The following C8orf76 variants were observed in gnomAD, a reference collection of about 807,000 sequenced individuals.
C8orf76 encodes the protein chromosome 8 open reading frame 76, also known as uncharacterized protein C8orf76.
Under a neutral mutation model 38.1 loss-of-function variants are expected in C8orf76, and 46 were observed. The observed-to-expected ratio is 1.21, with a 90% CI of 0.95 to 1.54. The LOEUF (loss-of-function observed/expected upper bound fraction) is 1.54. Ranked by LOEUF, C8orf76 falls within the 40% of genes most tolerant of loss-of-function variation. The pLI, the probability that C8orf76 is intolerant of heterozygous loss-of-function variation, is 0.00. For missense variants in C8orf76, 461 were observed against 441.6 expected (o/e 1.04, Z -0.39); for synonymous variants, 166 against 167.5 (o/e 0.99, Z 0.07).
At chr8:123,236,405 A>C (rs2131159567) in intron 3 of C8orf76, among the ~76,000 whole-genome samples, 1 of 152,316 alleles carries the variant, frequency 6.6e-6, no homozygotes, top group African/African-American at 2.4e-5. Flanking sequence ...AAGCAATAAA[A>C]TCTAGAACTG....
Position 123,220,079 on chromosome 8 carries a change from T to G in C8orf76, c.*24A>C. On this transcript the variant is annotated 3_prime_UTR_variant, in exon 6 of 6. Coordinates refer to ENST00000276704, the MANE Select transcript of C8orf76 (RefSeq NM_032847.3). Reference sequence around the variant, plus strand: ...GACAATTAATACAGTACAAGATATTTGTGGTTTTGTTTTTTATAACCCACT... The same window carrying G: ...GACAATTAATACAGTACAAGATATTGGTGGTTTTGTTTTTTATAACCCACT... 7.0e-7 allele frequency: 1 copy of G among 1,426,132 alleles called. No individual in the cohort carries two copies. The highest frequency in any genetic ancestry group is 9.7e-7 in the Non-Finnish European group (1 of 1,026,522). 88.3% of individuals were successfully genotyped at this position (1,426,132 alleles called of 1,614,324 possible). A position where few individuals can be genotyped will look rare whatever the true frequency, so the allele number is the denominator to read the frequency against.
chr8:123,238,716 T>C (rs932116306), intron 2 of C8orf76: 2 of 182,306 alleles, frequency 1.1e-5, no homozygotes, highest in Non-Finnish European at 2.3e-5. Context: ...TAGTTCTTTT[T>C]CTTATACATT....
At position 123,231,458 on chromosome 8, in the gene C8orf76, G is replaced by C; in HGVS notation, c.657C>G (p.Thr219=). 6.2e-7 allele frequency: 1 copy of C among 1,614,194 alleles called. No individual in the cohort carries two copies. The highest frequency in any genetic ancestry group is 8.5e-7 in the Non-Finnish European group (1 of 1,180,036). The change falls in exon 4 of 6, where the codon ACC becomes ACG. Residue 219 remains threonine, a synonymous_variant. Coordinates refer to ENST00000276704, the MANE Select transcript of C8orf76 (RefSeq NM_032847.3). The stretch of plus-strand genomic sequence containing the variant: ...CAGAAAATAAAGAGCTCTCAGGCAA[G>C]GTTTCAGGAAAACACAAAAGACAGT... ...GKDCLLCFPE[T]LPESSLFSVE...
At chr8:123,229,490 C>T (rs1156878855) in intron 4 of C8orf76, among the ~76,000 whole-genome samples, 1 of 152,212 alleles carries the variant, frequency 6.6e-6, no homozygotes, top group Non-Finnish European at 1.5e-5. Context: ...TTGGCCACGC[C>T]AACAGCTCCC....
intron 5 of C8orf76, chr8:123,226,275 G>A (rs1325576960): frequency 1.2e-5 from 17 of 1,376,806 alleles, no homozygotes; most frequent in Non-Finnish European, 1.5e-5. Flanking sequence ...GTGCTAACAA[G>A]CACTGACAAG....
intron 5 of C8orf76, among the ~76,000 whole-genome samples, chr8:123,223,908 T>C (rs1455566479): frequency 6.6e-6 from 1 of 152,140 alleles, no homozygotes; most frequent in Non-Finnish European, 1.5e-5. Context: ...AATAGATAAA[T>C]TCACAGAGAA....
At chr8:123,237,244 C>A (rs978431728) in intron 3 of C8orf76, among the ~76,000 whole-genome samples, 1 of 152,190 alleles carries the variant, frequency 6.6e-6, no homozygotes, top group Non-Finnish European at 1.5e-5. Flanking sequence ...CAAAGAGCGG[C>A]GTCCTGCCCA....
At chr8:123,241,209 G>T (rs1343502010) in intron 1 of C8orf76, 21 bp downstream of exon 1, 1 of 1,573,574 alleles carries the variant, frequency 6.4e-7, no homozygotes, top group Admixed American at 1.8e-5. Flanking sequence ...GGGATAAGGC[G>T]AAGAGGCCCC....
intron 4 of C8orf76, 30 bp from the exon 5 acceptor site, chr8:123,226,662 C>A: frequency 6.4e-7 from 1 of 1,571,172 alleles, no homozygotes; most frequent in South Asian, 1.2e-5. Context: ...CAATGCGTGG[C>A]GAAAAGTCCC....
chr8:123,228,135 C>T (rs1825113083), intron 4 of C8orf76, among the ~76,000 whole-genome samples: 1 of 152,192 alleles, frequency 6.6e-6, no homozygotes, highest in Non-Finnish European at 1.5e-5. Context: ...TCTCCTCACC[C>T]TCAACCTTCC....
chr8:123,236,976 A>G, intron 3 of C8orf76: 1 of 1,551,412 alleles, frequency 6.4e-7, no homozygotes. Flanking sequence ...CTTGCGGGCA[A>G]ACAGCTGGAG....
chr8:123,226,313 G>A (rs950699442), intron 5 of C8orf76, 187 bp downstream of exon 5: 12 of 1,431,644 alleles, frequency 8.4e-6, no homozygotes, highest in Admixed American at 6.6e-5. Context: ...CTGCGGTCCC[G>A]CACGCTGCAG....
At chr8:123,236,825 C>A in intron 3 of C8orf76, 1 of 674,814 alleles carries the variant, frequency 1.5e-6, no homozygotes, top group Non-Finnish European at 2.7e-6. Context: ...TTTTCTTCAG[C>A]GAGGCTGCCG....
At chr8:123,224,228 A>G (rs900865562) in intron 5 of C8orf76, among the ~76,000 whole-genome samples, 11 of 152,250 alleles carry the variant, frequency 7.2e-5, no homozygotes, top group Admixed American at 4.6e-4. Context: ...TAATTCAAAT[A>G]AAAGAATTAC....
intron 5 of C8orf76, among the ~76,000 whole-genome samples, chr8:123,220,790 C>A (rs551931716): frequency 1.2e-4 from 18 of 152,258 alleles, no homozygotes; most frequent in African/African-American, 4.1e-4. Flanking sequence ...CAATACTGCT[C>A]CCTACTGGTC....
At chr8:123,226,282 C>T (rs1012486325) in intron 5 of C8orf76, 1 of 1,384,698 alleles carries the variant, frequency 7.2e-7, no homozygotes, top group South Asian at 1.7e-5. Context: ...CAAGCACTGA[C>T]AAGTACATGA....
intron 3 of C8orf76, among the ~76,000 whole-genome samples, chr8:123,236,190 T>C (rs758246968): frequency 6.6e-6 from 1 of 152,164 alleles, no homozygotes; most frequent in Non-Finnish European, 1.5e-5. Flanking sequence ...GGATTTCTCT[T>C]AGTTAATGAG....
At chr8:123,220,920 T>C (rs968101658) in intron 5 of C8orf76, among the ~76,000 whole-genome samples, 1 of 152,246 alleles carries the variant, frequency 6.6e-6, no homozygotes, top group Non-Finnish European at 1.5e-5. Flanking sequence ...GTAAGCAGAC[T>C]GACCTTGGGT....
chr8:123,236,864 G>A, intron 3 of C8orf76: 1 of 800,626 alleles, frequency 1.2e-6, no homozygotes, highest in Non-Finnish European at 2.2e-6. Flanking sequence ...GCAGATCTTT[G>A]TGAAGACCCT....
Sources: allele counts gnomAD v4.1 joint callset (sites outside exome capture counted in the v4.1 genomes callset), GRCh38; gene constraint gnomAD v4.1.1; transcripts MANE v1.5; gene names NCBI Gene and HGNC (gene_info 2026-07-23, HGNC 2026-07-21).